The following TOX2 variants were observed in gnomAD, a reference collection of about 807,000 sequenced individuals.
TOX2 encodes granulosa cell HMG box 1.
A neutral mutation model predicts 47.4 loss-of-function variants in TOX2; 15 were observed. The ratio of observed to expected loss-of-function variants is 0.32; its 90% CI spans 0.21 to 0.49. The LOEUF is 0.49. TOX2 is among the 20% of genes least tolerant of loss of function. TOX2 has a pLI of 0.99. For missense variants in TOX2, 622 were observed against 673.1 expected (o/e 0.92, Z 0.84); for synonymous variants, 290 against 296.6 (o/e 0.98, Z 0.23).
At chr20:43,921,889 A>T (rs979033017) in intron 1 of TOX2, among the ~76,000 whole-genome samples, 7 of 152,080 alleles carry the variant, frequency 4.6e-5, no homozygotes, top group African/African-American at 1.7e-4. Flanking sequence ...GATTTTCCTG[A>T]GCCTCTGGGT....
At chr20:44,033,994 C>T (rs1178462799) in intron 3 of TOX2, among the ~76,000 whole-genome samples, 4 of 152,206 alleles carry the variant, frequency 2.6e-5, no homozygotes, top group Non-Finnish European at 5.9e-5. Context: ...AGTGCCCAGA[C>T]CTGTTGCCTG....
chr20:44,043,664 T>C (rs910942340), intron 3 of TOX2, among the ~76,000 whole-genome samples: 4 of 152,234 alleles, frequency 2.6e-5, no homozygotes, highest in Admixed American at 6.5e-5. Flanking sequence ...TGAATGTTTA[T>C]ATTATTTCCA....
intron 3 of TOX2, among the ~76,000 whole-genome samples, chr20:44,036,717 C>T (rs192312457): frequency 2.6e-5 from 4 of 152,358 alleles, no homozygotes; most frequent in Admixed American, 2.6e-4. Context: ...GGCTGCTTTC[C>T]TGCTCCTGCA....
chr20:44,043,958 C>T (rs952145319), intron 3 of TOX2, among the ~76,000 whole-genome samples: 27 of 152,210 alleles, frequency 1.8e-4, no homozygotes, highest in African/African-American at 6.5e-4. Context: ...AATCATGCTG[C>T]TATAAAGACA....
rs1023108509 is a variant in TOX2 at position 43,986,953 on chromosome 20, A to G, written c.165+13521A>G. ...CTGGTACATACCTGTAGTCCCAGCT[A>G]CTCGAGAGGCTAAGGTGGGACGATC... On this transcript the variant is annotated intron_variant, in intron 2 of 8. Transcript: ENST00000341197. 1.8e-4 allele frequency among the ~76,000 whole-genome samples: 27 copies of G among 152,000 alleles called. 1 individual carries two copies. Among genetic ancestry groups the G allele is most frequent in the African/African-American group, 5.6e-4 (23 of 41,438 alleles).
intron 2 of TOX2, 74 bp from the exon 3 acceptor site, chr20:44,006,473 T>C: frequency 2.6e-6 from 4 of 1,529,002 alleles, no homozygotes; most frequent in Non-Finnish European, 2.6e-6. Context: ...ATTGTTGCTG[T>C]TATTGGTGCT....
In TOX2 at chr20:43,916,541, G is replaced by A. The variant is rs1220652242; in HGVS notation, c.99+1551G>A. On this transcript the variant is annotated intron_variant, in intron 1 of 8. Coordinates refer to ENST00000341197, the MANE Select transcript of TOX2 (RefSeq NM_001098797.2). This position sits in a 1 kb window ranked among gnomAD's most constrained non-coding sequence, Gnocchi z 5.0. ...GTGACCTGCAAAGTTAGAAGCCGAT[G>A]AGGGGGGATGGTAGCCTCAGGAGAA... Among the ~76,000 whole-genome samples the A allele has an allele frequency of 6.6e-6, 1 of 152,254 alleles. No individual in the cohort carries two copies. Among genetic ancestry groups the A allele is most frequent in the Non-Finnish European group, 1.5e-5 (1 of 68,042 alleles).
At chr20:43,925,210 A>G (rs1313488067) in intron 1 of TOX2, among the ~76,000 whole-genome samples, 2 of 151,400 alleles carry the variant, frequency 1.3e-5, no homozygotes, top group Non-Finnish European at 3.0e-5. Flanking sequence ...TATTTTCTAC[A>G]AATGCCTGGT....
intron 1 of TOX2, among the ~76,000 whole-genome samples, chr20:43,935,752 C>T (rs957847532): frequency 7.3e-5 from 11 of 151,700 alleles, no homozygotes; most frequent in Non-Finnish European, 1.5e-4. Context: ...ATGGTGAAAC[C>T]CTGTCTCTCC....
chr20:44,001,972 T>A lies in TOX2; in HGVS notation c.166-4575T>A, dbSNP rs910703410. Reference sequence around the variant, plus strand: ...ACAGCAGCTCACTGGCTCAGGATCCTCATTTATGAGTGTTCCTAACTCACA... The same window carrying A: ...ACAGCAGCTCACTGGCTCAGGATCCACATTTATGAGTGTTCCTAACTCACA... On this transcript the variant is annotated intron_variant, in intron 2 of 8. Coordinates refer to ENST00000341197, the MANE Select transcript of TOX2 (RefSeq NM_001098797.2). 2.6e-5 allele frequency among the ~76,000 whole-genome samples: 4 copies of A among 152,184 alleles called. 1 individual carries two copies.
intron 3 of TOX2, among the ~76,000 whole-genome samples, chr20:44,040,249 C>T (rs1204436195): frequency 6.6e-6 from 1 of 152,150 alleles, no homozygotes; most frequent in Non-Finnish European, 1.5e-5. Context: ...CTGTAGGTGT[C>T]TATGGAGGAG....
intron 2 of TOX2, among the ~76,000 whole-genome samples, chr20:43,986,186 G>A (rs1021108656): frequency 1.3e-5 from 2 of 152,288 alleles, no homozygotes; most frequent in East Asian, 3.9e-4. Flanking sequence ...GTTGCCACTA[G>A]CCTTCATAAA....
At chr20:43,993,668 C>G (rs1048046507) in intron 2 of TOX2, among the ~76,000 whole-genome samples, 2 of 152,158 alleles carry the variant, frequency 1.3e-5, no homozygotes, top group Admixed American at 1.3e-4. Flanking sequence ...AACATGGGAT[C>G]CTCCTAAGTT....
Position 44,054,368 on chromosome 20 carries a change from A to G in TOX2, c.721A>G (p.Lys241Glu), listed in dbSNP as rs1201131775. ...CAAGAACCCGAAGAAGAAGAAAAAG[A>G]AGGACCCCAATGAGCCGCAGAAGCC... is the stretch of plus-strand genomic sequence containing the variant. ...KAKNPKKKKK[K>E]DPNEPQKPVS... Residue 241 changes from lysine (K) to glutamate (E), a missense_variant, in exon 5 of 9, where the codon AAG (lysine) becomes GAG (glutamate). Lys to Glu is a moderately conservative substitution (Grantham distance 56, BLOSUM62 1). This residue lies in a region of TOX2 where 307 missense variants were observed against 327.3 expected (regional missense o/e 0.94). Coordinates refer to ENST00000341197, the MANE Select transcript of TOX2 (RefSeq NM_001098797.2). The G allele has an allele frequency of 1.9e-6, 3 of 1,611,974 alleles. No homozygotes were observed. Among genetic ancestry groups the G allele is most frequent in the Non-Finnish European group, 2.5e-6 (3 of 1,179,498 alleles).
At chr20:43,929,136 C>T (rs1400716210) in intron 1 of TOX2, among the ~76,000 whole-genome samples, 15 of 151,950 alleles carry the variant, frequency 9.9e-5, no homozygotes, top group South Asian at 6.2e-4. Context: ...TCCAATCTGG[C>T]GACAGAGTGA....
chr20:43,978,952 A>T (rs2070126623), intron 2 of TOX2, among the ~76,000 whole-genome samples: 1 of 152,190 alleles, frequency 6.6e-6, no homozygotes, highest in African/African-American at 2.4e-5. Flanking sequence ...GGATGGAAAG[A>T]AGTAGATGCA....
At chr20:43,938,316 C>T (rs570225856) in intron 1 of TOX2, among the ~76,000 whole-genome samples, 27 of 152,298 alleles carry the variant, frequency 1.8e-4, no homozygotes, top group African/African-American at 6.3e-4. Context: ...GATGACCCAC[C>T]GGGACCCCTT....
intron 1 of TOX2, among the ~76,000 whole-genome samples, chr20:43,927,182 C>T (rs1472725993): frequency 6.6e-6 from 1 of 152,158 alleles, no homozygotes; most frequent in Admixed American, 6.5e-5. Flanking sequence ...TCAAATGCAA[C>T]TTACCAATCA....
chr20:44,062,408 G>A (rs78631699), intron 5 of TOX2, among the ~76,000 whole-genome samples: 1,877 of 84,816 alleles, frequency 0.022, 14 homozygotes, highest in African/African-American at 0.032. Flanking sequence ...ATAAATAAAT[G>A]AATAAATAAA....
Sources: gnomAD v4.1 joint callset for allele counts (sites outside exome capture counted in the v4.1 genomes callset) on GRCh38, gnomAD v4.1.1 for gene constraint, gnomAD v4.1.1 regional missense constraint, Gnocchi (gnomAD v3.1) non-coding constraint, MANE v1.5 for transcripts, NCBI Gene and HGNC (gene_info 2026-07-23, HGNC 2026-07-21) for gene names.